RARS2: variants seen among roughly 807,000 people sequenced by gnomAD.
The protein encoded by RARS2 is arginyl-tRNA synthetase 2, mitochondrial.
Under a neutral mutation model 88.5 loss-of-function variants are expected in RARS2, and 67 were observed. That is an observed-to-expected ratio of 0.76 (90% CI 0.62 to 0.93). The LOEUF (loss-of-function observed/expected upper bound fraction) is 0.93, where lower values mean the gene tolerates loss of function less well. RARS2 is among the 40% of genes least tolerant of loss of function. RARS2 has a pLI of 0.00. For synonymous variants in RARS2, 239 were observed against 230.3 expected, an observed-to-expected ratio of 1.04 and a Z score of -0.34; for missense variants, 664 against 684.2, an observed-to-expected ratio of 0.97 and a Z score of 0.33.
intron 1 of RARS2, among the ~76,000 whole-genome samples, chr6:87,587,664 AT>A (rs1775577418): frequency 6.6e-6 from 1 of 152,248 alleles, no homozygotes. Context: ...ACTCAATTAT[AT>A]AATAAGGTTA....
chr6:87,517,000 C>T, intron 17 of RARS2, 120 bp from the exon 18 acceptor site: 4 of 1,441,846 alleles, frequency 2.8e-6, no homozygotes, highest in Non-Finnish European at 3.8e-6. Context: ...AAGGTATGGC[C>T]AGGCGCAGTG....
chr6:87,522,324 C>T (rs898213022), intron 11 of RARS2, among the ~76,000 whole-genome samples: 1 of 131,070 alleles, frequency 7.6e-6, no homozygotes, highest in Non-Finnish European at 1.6e-5. Flanking sequence ...AGCAAGACAC[C>T]GTCTCAATTA....
intron 8 of RARS2, among the ~76,000 whole-genome samples, chr6:87,534,798 G>A (rs1778626228): frequency 6.6e-6 from 1 of 152,176 alleles, no homozygotes; most frequent in East Asian, 1.9e-4. Flanking sequence ...CCCTGGGGTG[G>A]TGCAGGCCCA....
chr6:87,572,766 A>G (rs1246181035), intron 1 of RARS2, among the ~76,000 whole-genome samples: 7 of 152,142 alleles, frequency 4.6e-5, no homozygotes, highest in Non-Finnish European at 8.8e-5. Context: ...ATTTGCTACC[A>G]AAAATGAAAT....
At chr6:87,562,613 G>T in intron 4 of RARS2, 89 bp downstream of exon 4, 3 of 940,790 alleles carry the variant, frequency 3.2e-6, no homozygotes, top group South Asian at 2.7e-5. Flanking sequence ...GCCAGAGGAG[G>T]CATAAAGAAT....
At chr6:87,574,365 C>G (rs577945058) in intron 1 of RARS2, among the ~76,000 whole-genome samples, 2 of 152,078 alleles carry the variant, frequency 1.3e-5, no homozygotes, top group East Asian at 3.9e-4. Flanking sequence ...GAGAGAGAGA[C>G]AAAAGAGGAA....
intron 10 of RARS2, among the ~76,000 whole-genome samples, chr6:87,525,315 G>C (rs1239643519): frequency 6.6e-6 from 1 of 152,026 alleles, no homozygotes; most frequent in Non-Finnish European, 1.5e-5. Flanking sequence ...AGCTAAATTA[G>C]AAAACAATTA....
At chr6:87,522,463 A>G (rs1019183189) in intron 11 of RARS2, among the ~76,000 whole-genome samples, 2 of 152,172 alleles carry the variant, frequency 1.3e-5, no homozygotes, top group African/African-American at 4.8e-5. Context: ...CATAAACCAA[A>G]ACTTCAAGTC....
chr6:87,530,109 T>G (rs1447692234), intron 9 of RARS2, among the ~76,000 whole-genome samples: 2 of 152,150 alleles, frequency 1.3e-5, no homozygotes, highest in African/African-American at 4.8e-5. Context: ...TGGTGGCTAC[T>G]TAAGGAGACG....
At chr6:87,566,849 CAAAAAAAAA>C (rs36032606) in intron 2 of RARS2, among the ~76,000 whole-genome samples, 2 of 60,294 alleles carry the variant, frequency 3.3e-5, no homozygotes, top group African/African-American at 1.3e-4. Flanking sequence ...GGTCCTGTCT[CAAAAAAAAA>C]AAAAAAAAAA....
intron 14 of RARS2, 149 bp downstream of exon 14, chr6:87,519,434 T>G (rs978128437): frequency 1.3e-6 from 1 of 794,864 alleles, no homozygotes; most frequent in Non-Finnish European, 2.1e-6. Context: ...ATAAAAATTC[T>G]GGCACCTCTA....
At chr6:87,582,155 G>C (rs879185485) in intron 1 of RARS2, among the ~76,000 whole-genome samples, 1 of 152,094 alleles carries the variant, frequency 6.6e-6, no homozygotes, top group Non-Finnish European at 1.5e-5. Flanking sequence ...TGATATTTCT[G>C]GTACTAGATC....
Position 87,514,499 on chromosome 6 carries a change from C to T in RARS2, c.1651G>A (p.Ala551Thr). 6.2e-7 allele frequency: 1 copy of T among 1,607,034 alleles called. No homozygotes were observed. The highest frequency in any genetic ancestry group is 8.5e-7 in the Non-Finnish European group (1 of 1,173,788). Reference protein sequence around the residue: ...IKDSPPEVAGARLHLFKAVRS... With the variant: ...IKDSPPEVAGTRLHLFKAVRS... ...ACAGCTTTGAAAAGATGAAGTCTGGCCTACAAAATAAATCAAAGAATGATT... is the reference window on the plus strand; with the variant it reads ...ACAGCTTTGAAAAGATGAAGTCTGGTCTACAAAATAAATCAAAGAATGATT... Residue 551 changes from alanine (A) to threonine (T), a missense_variant and splice_region_variant, in exon 20 of 20, where the codon GCC becomes ACC. Coordinates refer to ENST00000369536, the MANE Select transcript of RARS2 (RefSeq NM_020320.5).
intron 1 of RARS2, among the ~76,000 whole-genome samples, chr6:87,576,656 T>C (rs1216401735): frequency 6.6e-6 from 1 of 152,192 alleles, no homozygotes; most frequent in South Asian, 2.1e-4. Flanking sequence ...AATTTAAAAG[T>C]ATTTGTAATA....
At chr6:87,553,668 G>T (rs907570531) in intron 5 of RARS2, among the ~76,000 whole-genome samples, 2 of 152,242 alleles carry the variant, frequency 1.3e-5, no homozygotes, top group African/African-American at 2.4e-5. Flanking sequence ...AAGGTTTGCA[G>T]TGGTTTCTTA....
At chr6:87,555,341 G>C (rs915778763) in intron 5 of RARS2, 67 bp downstream of exon 5, 20 of 1,198,452 alleles carry the variant, frequency 1.7e-5, no homozygotes, top group Non-Finnish European at 2.1e-5. Context: ...CCCAAATAAT[G>C]ATGGTAATAA....
At chr6:87,524,718 T>G (rs1775104171) in intron 10 of RARS2, 66 bp from the exon 11 acceptor site, 1 of 1,181,404 alleles carries the variant, frequency 8.5e-7, no homozygotes, top group Non-Finnish European at 1.3e-6. Context: ...TTTTAATATC[T>G]AAAACATTAG....
chr6:87,575,225 GCACACACACA>G (rs58168335), intron 1 of RARS2, among the ~76,000 whole-genome samples: 10,201 of 114,570 alleles, frequency 0.089, 463 homozygotes, highest in African/African-American at 0.1. Context: ...AAAATAGAAA[GCACACACACA>G]CACACACACA....
At chr6:87,531,146 T>A (rs1050318380) in intron 8 of RARS2, among the ~76,000 whole-genome samples, 5 of 152,032 alleles carry the variant, frequency 3.3e-5, no homozygotes, top group Admixed American at 1.3e-4. Flanking sequence ...TCTAAATTCA[T>A]AAAATAAAAT....
Sources: allele counts gnomAD v4.1 joint callset (sites outside exome capture counted in the v4.1 genomes callset), GRCh38; gene constraint gnomAD v4.1.1; transcripts MANE v1.5; gene names NCBI Gene and HGNC (gene_info 2026-07-23, HGNC 2026-07-21).